Variants in DIAPH2 observed in about 807,000 individuals in gnomAD.
DIAPH2 encodes the protein diaphanous related formin 2.
In DIAPH2, 35 loss-of-function variants were observed where a neutral mutation model predicts 92.7. The observed-to-expected ratio is 0.38, with a 90% CI of 0.29 to 0.50. DIAPH2 has a LOEUF of 0.50. Ranked by LOEUF, DIAPH2 falls within the 20% of genes least tolerant of loss-of-function variation. The probability of loss-of-function intolerance (pLI) is 0.94; values close to 1 mark genes in which losing one functional copy is unlikely to be tolerated. For synonymous variants in DIAPH2, 301 were observed against 280.4 expected (o/e 1.07, Z -0.73); for missense variants, 701 against 819.5 (o/e 0.86, Z 1.77).
chrX:97,294,542 G>T (rs933983890), intron 23 of DIAPH2, among the ~76,000 whole-genome samples: 3 of 111,307 alleles, frequency 2.7e-5, no homozygotes, highest in African/African-American at 9.8e-5. Flanking sequence ...TTAGTTACAG[G>T]AGGCAGATTA....
chrX:97,470,305 C>G (rs755296824), intron 26 of DIAPH2, among the ~76,000 whole-genome samples: 3 of 111,467 alleles, frequency 2.7e-5, no homozygotes, highest in South Asian at 3.8e-4. Context: ...CTTGAACACT[C>G]AGAAATACCC....
intron 26 of DIAPH2, among the ~76,000 whole-genome samples, chrX:97,474,325 C>T (rs1216304861): frequency 8.9e-6 from 1 of 112,598 alleles, no homozygotes; most frequent in Admixed American, 9.4e-5. Flanking sequence ...ATAAAAGCAA[C>T]CTCTGGAGAA....
chrX:96,820,842 T>C (rs1165276218), intron 4 of DIAPH2, among the ~76,000 whole-genome samples: 2 of 111,788 alleles, frequency 1.8e-5, no homozygotes, highest in East Asian at 5.6e-4. Context: ...AATGGAAAGA[T>C]GTGATAGTGA....
chrX:96,695,908 G>A lies in DIAPH2; in HGVS notation c.132+10718G>A, dbSNP rs190586295. Among the ~76,000 whole-genome samples the A allele has an allele frequency of 1.2e-3, 139 of 111,850 alleles. 1 individual carries two copies. Among genetic ancestry groups the A allele is most frequent in the African/African-American group, 3.9e-3 (120 of 30,798 alleles). ...ATTTCCTATCCTCACTCATCACCAC[G>A]TAGTTATGAACTAGTCAAAACTTCA... On this transcript the variant is annotated intron_variant, in intron 1 of 26. Coordinates refer to ENST00000324765, the MANE Select transcript of DIAPH2 (RefSeq NM_006729.5).
intron 1 of DIAPH2, among the ~76,000 whole-genome samples, chrX:96,694,364 G>A (rs1210831983): frequency 3.7e-5 from 4 of 107,215 alleles, no homozygotes; most frequent in African/African-American, 1.4e-4. Context: ...TTTTTTAGAT[G>A]GAGTCTCACT....
intron 22 of DIAPH2, among the ~76,000 whole-genome samples, chrX:97,161,039 T>C (rs927514026): frequency 6.5e-5 from 6 of 92,241 alleles, no homozygotes; most frequent in African/African-American, 1.8e-4. Flanking sequence ...GGTTTTTGTT[T>C]TTTGTTTTTT....
At chrX:97,006,706 T>C (rs1289187304) in intron 17 of DIAPH2, among the ~76,000 whole-genome samples, 2 of 112,276 alleles carry the variant, frequency 1.8e-5, no homozygotes, top group Admixed American at 9.4e-5. Context: ...GCAAGAGCTT[T>C]TTTTAAAAAA....
At chrX:97,116,465 T>C (rs953923713) in intron 21 of DIAPH2, among the ~76,000 whole-genome samples, 2 of 111,930 alleles carry the variant, frequency 1.8e-5, no homozygotes, top group African/African-American at 6.5e-5. Flanking sequence ...TGTAATAAAC[T>C]GTACTAAATC....
At chrX:97,244,290 A>T (rs2068121644) in intron 22 of DIAPH2, among the ~76,000 whole-genome samples, 1 of 112,223 alleles carries the variant, frequency 8.9e-6, no homozygotes, top group Non-Finnish European at 1.9e-5. Context: ...TGACATATGT[A>T]GACTGCTGTG....
chrX:96,973,510 A>G (rs1322764109), intron 17 of DIAPH2, among the ~76,000 whole-genome samples: 2 of 111,400 alleles, frequency 1.8e-5, no homozygotes, highest in African/African-American at 3.3e-5. Context: ...TGTAAAAAAT[A>G]CAGTATAACA....
chrX:97,385,978 T>G (rs183658343), intron 25 of DIAPH2, among the ~76,000 whole-genome samples: 245 of 111,947 alleles, frequency 2.2e-3, no homozygotes, highest in African/African-American at 7.7e-3. Context: ...TAATTATTAT[T>G]ATGTGTTTTT....
intron 4 of DIAPH2, among the ~76,000 whole-genome samples, chrX:96,836,111 T>C (rs2064884641): frequency 9.1e-6 from 1 of 110,158 alleles, no homozygotes; most frequent in African/African-American, 3.3e-5. Flanking sequence ...TTTTTTTTTT[T>C]TCATAATTTA....
intron 23 of DIAPH2, among the ~76,000 whole-genome samples, chrX:97,282,067 A>G (rs1720038538): frequency 1.8e-5 from 2 of 110,681 alleles, no homozygotes; most frequent in South Asian, 7.7e-4. Flanking sequence ...TATGAAATTT[A>G]TTTACTAAGT....
intron 23 of DIAPH2, among the ~76,000 whole-genome samples, chrX:97,334,838 G>C (rs2069038584): frequency 9.4e-6 from 1 of 106,790 alleles, no homozygotes; most frequent in Admixed American, 1.0e-4. Context: ...AAAAATAGTC[G>C]GGTGTGGTGG....
At chrX:96,871,580 G>C (rs1345234377) in intron 4 of DIAPH2, among the ~76,000 whole-genome samples, 1 of 109,970 alleles carries the variant, frequency 9.1e-6, no homozygotes, top group African/African-American at 3.3e-5. Context: ...GCTACTAGAA[G>C]GGTTCTTACT....
rs199802804 is a variant in DIAPH2 at position 96,962,406 on chromosome X, CATATATATAT to C, written c.1936-2685_1936-2676del. Among the ~76,000 whole-genome samples, 250 of 53,218 alleles carry C rather than the reference CATATATATAT, an allele frequency of 4.7e-3. 20 individuals are homozygous for C. Among genetic ancestry groups the C allele is most frequent in the African/African-American group, 0.018 (236 of 12,842 alleles). The allele number at this position is 53,218 out of a possible 115,157, so 46.2% of individuals were successfully genotyped here. The stretch of plus-strand genomic sequence containing the variant: ...ACATATATATACACATATATATACA[CATATATATAT>C]ACACATATATATACATATATATATA... On this transcript the variant is annotated intron_variant, in intron 16 of 26. Coordinates refer to ENST00000324765, the MANE Select transcript of DIAPH2 (RefSeq NM_006729.5).
intron 22 of DIAPH2, among the ~76,000 whole-genome samples, chrX:97,246,942 A>G (rs1392595315): frequency 8.9e-6 from 1 of 111,985 alleles, no homozygotes; most frequent in African/African-American, 3.2e-5. Context: ...TATCTATAAA[A>G]TAGTTGAAAG....
At chrX:97,108,113 C>G (rs2147371787) in intron 20 of DIAPH2, among the ~76,000 whole-genome samples, 1 of 110,918 alleles carries the variant, frequency 9.0e-6, no homozygotes, top group South Asian at 3.9e-4. Context: ...CTGTGTCTAA[C>G]TCTTTGGGGA....
intron 4 of DIAPH2, among the ~76,000 whole-genome samples, chrX:96,804,461 G>A (rs746451408): frequency 8.9e-6 from 1 of 112,030 alleles, no homozygotes; most frequent in South Asian, 3.7e-4. Context: ...GCATTGATAA[G>A]TAGCAAAAGA....
Sources: allele counts gnomAD v4.1 joint callset (sites outside exome capture counted in the v4.1 genomes callset), GRCh38; gene constraint gnomAD v4.1.1; transcripts MANE v1.5; gene names NCBI Gene and HGNC (gene_info 2026-07-23, HGNC 2026-07-21).